The following ERCC6L2 variants were observed in gnomAD, a reference collection of about 807,000 sequenced individuals.
The protein encoded by ERCC6L2 is DNA excision repair protein ERCC-6-like 2.
In ERCC6L2, 77 loss-of-function variants were observed where a neutral mutation model predicts 132.0. That is an observed-to-expected ratio of 0.58 (90% CI 0.49 to 0.71). The LOEUF (loss-of-function observed/expected upper bound fraction) is 0.71, where lower values mean the gene tolerates loss of function less well. ERCC6L2 is among the 30% of genes least tolerant of loss of function. The pLI is 0.00. For synonymous variants in ERCC6L2, 583 were observed against 632.4 expected, an observed-to-expected ratio of 0.92 and a Z score of 1.17; for missense variants, 1,542 against 1,837.6, an observed-to-expected ratio of 0.84 and a Z score of 2.94.
chr9:96,038,348 G>A (rs186061434), intron 19 of ERCC6L2, among the ~76,000 whole-genome samples: 2 of 152,184 alleles, frequency 1.3e-5, no homozygotes, highest in East Asian at 1.9e-4. Flanking sequence ...CTCTTCCCCC[G>A]AAGTATGTGG....
At chr9:95,950,000 G>A (rs565306955) in intron 12 of ERCC6L2, among the ~76,000 whole-genome samples, 1 of 149,856 alleles carries the variant, frequency 6.7e-6, no homozygotes, top group Non-Finnish European at 1.5e-5. Context: ...GGGAGACAGG[G>A]TGAGACTCCG....
At chr9:95,900,512 C>T (rs949503990) in intron 3 of ERCC6L2, among the ~76,000 whole-genome samples, 3 of 152,060 alleles carry the variant, frequency 2.0e-5, no homozygotes, top group African/African-American at 7.2e-5. Context: ...TACCCAAGTA[C>T]TATTTGAAAG....
intron 6 of ERCC6L2, 97 bp downstream of exon 6, chr9:95,916,531 G>T (rs1254271593): frequency 5.1e-5 from 52 of 1,026,148 alleles, no homozygotes; most frequent in Non-Finnish European, 6.4e-5. Flanking sequence ...TGTAAATACA[G>T]TTTTTTGCCT....
intron 9 of ERCC6L2, among the ~76,000 whole-genome samples, chr9:95,924,685 A>G (rs1208324077): frequency 6.6e-6 from 1 of 152,108 alleles, no homozygotes; most frequent in East Asian, 1.9e-4. Flanking sequence ...TATTTTTTAT[A>G]TATTCATTAA....
Position 95,972,523 on chromosome 9 carries a change from C to G in ERCC6L2, c.2772C>G (p.Pro924=), listed in dbSNP as rs1000809183. Residue 924 remains proline (P), a synonymous_variant, in exon 16 of 19, where the codon CCC becomes CCG. Transcript: ENST00000653738. ...ACAATAGTATAAGGTTTAAGCCACC[C>G]TTGGAAGGATCTGAGGATTCTGAAA... ...FPDNSIRFKP[P]LEGSEDSETE... The G allele has an allele frequency of 3.1e-6, 4 of 1,289,940 alleles. No homozygotes were observed. The highest frequency in any genetic ancestry group is 4.0e-6 in the Non-Finnish European group (4 of 988,892). The allele number at this position is 1,289,940 out of a possible 1,614,324, so 79.9% of individuals were successfully genotyped here. A position where few individuals can be genotyped will look rare whatever the true frequency, so the allele number is the denominator to read the frequency against.
chr9:95,940,537 A>C (rs1408179911), intron 11 of ERCC6L2, among the ~76,000 whole-genome samples: 1 of 152,002 alleles, frequency 6.6e-6, no homozygotes, highest in East Asian at 1.9e-4. Context: ...TGTGGAATTT[A>C]TTTTGTTGTC....
chr9:96,004,841 A>G (rs1301758885), intron 18 of ERCC6L2, 140 bp downstream of exon 18: 1 of 497,504 alleles, frequency 2.0e-6, no homozygotes, highest in Non-Finnish European at 3.3e-6. Context: ...TCAAAAATAA[A>G]CTGCAAATGT....
chr9:96,014,760 T>G lies in ERCC6L2; in HGVS notation c.*1557T>G, dbSNP rs1411562198. On this transcript the variant is annotated 3_prime_UTR_variant, in exon 19 of 19. Coordinates refer to ENST00000653738, the MANE Select transcript of ERCC6L2 (RefSeq NM_020207.7). ...ATTTGTTTGCTCTGTGCAGCTGAGT[T>G]GTGTCCAGACTTACCAGATGGTATG... 3.9e-5 allele frequency among the ~76,000 whole-genome samples: 6 copies of G among 152,172 alleles called. No homozygotes were observed. Among genetic ancestry groups the G allele is most frequent in the African/African-American group, 1.4e-4 (6 of 41,448 alleles).
chr9:95,945,165 C>T (rs545608653), intron 12 of ERCC6L2, among the ~76,000 whole-genome samples: 104 of 152,240 alleles, frequency 6.8e-4, no homozygotes, highest in South Asian at 3.1e-3. Flanking sequence ...GCACCTGAAG[C>T]GGCCATTTCA....
At chr9:96,025,417 A>T (rs1192382566) in intron 19 of ERCC6L2, among the ~76,000 whole-genome samples, 2 of 152,202 alleles carry the variant, frequency 1.3e-5, no homozygotes, top group Non-Finnish European at 2.9e-5. Context: ...AGTGACACTG[A>T]GTGGGTCAGG....
At chr9:96,029,542 A>G (rs1834428135) in intron 19 of ERCC6L2, among the ~76,000 whole-genome samples, 1 of 152,176 alleles carries the variant, frequency 6.6e-6, no homozygotes, top group Admixed American at 6.5e-5. Flanking sequence ...TACTCCAACA[A>G]AAAGTTTCGG....
intron 17 of ERCC6L2, among the ~76,000 whole-genome samples, chr9:95,987,559 G>T (rs1833141553): frequency 6.6e-6 from 1 of 152,184 alleles, no homozygotes; most frequent in South Asian, 2.1e-4. Context: ...GATACAAGAG[G>T]TGGGTTCCCA....
chr9:96,007,978 C>T (rs765400124), intron 18 of ERCC6L2, among the ~76,000 whole-genome samples: 4 of 152,112 alleles, frequency 2.6e-5, no homozygotes, highest in Non-Finnish European at 5.9e-5. Flanking sequence ...GGAGTGCTGG[C>T]GTGGCTGGTT....
At chr9:95,938,481 T>C (rs1830657624) in intron 11 of ERCC6L2, among the ~76,000 whole-genome samples, 1 of 152,182 alleles carries the variant, frequency 6.6e-6, no homozygotes, top group South Asian at 2.1e-4. Context: ...TGTTTCTCTT[T>C]TCAGCTTAAT....
chr9:96,020,935 C>T (rs748305235), downstream of ERCC6L2: 17 of 456,640 alleles, frequency 3.7e-5, no homozygotes, highest in Non-Finnish European at 4.4e-6. Context: ...CCCTCCAAGA[C>T]GCGCGGGCCG....
chr9:95,995,777 C>A (rs1193665757), intron 17 of ERCC6L2, among the ~76,000 whole-genome samples: 1 of 152,190 alleles, frequency 6.6e-6, no homozygotes, highest in Non-Finnish European at 1.5e-5. Flanking sequence ...CATGCATGAT[C>A]TTTGATGTTC....
At chr9:95,911,545 T>G (rs1262751696) in intron 4 of ERCC6L2, among the ~76,000 whole-genome samples, 1 of 152,102 alleles carries the variant, frequency 6.6e-6, no homozygotes, top group Non-Finnish European at 1.5e-5. Context: ...TATTTATTTA[T>G]TTAGTTGAAT....
intron 11 of ERCC6L2, among the ~76,000 whole-genome samples, chr9:95,939,388 C>T (rs1830698941): frequency 6.6e-6 from 1 of 151,848 alleles, no homozygotes; most frequent in Admixed American, 6.6e-5. Flanking sequence ...GTCTTATCTC[C>T]TTTCCCTTTC....
chr9:96,030,823 G>T (rs1834448459), intron 19 of ERCC6L2, among the ~76,000 whole-genome samples: 1 of 151,964 alleles, frequency 6.6e-6, no homozygotes, highest in South Asian at 2.1e-4. Flanking sequence ...CCACAGGACA[G>T]CCCAGGGCAC....
Sources: allele counts gnomAD v4.1 joint callset (sites outside exome capture counted in the v4.1 genomes callset), GRCh38; gene constraint gnomAD v4.1.1; transcripts MANE v1.5; gene names NCBI Gene and HGNC (gene_info 2026-07-23, HGNC 2026-07-21).